Variants in SORCS2 observed in about 807,000 individuals in gnomAD.
SORCS2 encodes the protein VPS10 domain-containing receptor SorCS2.
In SORCS2, 100 loss-of-function variants were observed where a neutral mutation model predicts 141.6. The ratio of observed to expected loss-of-function variants is 0.71; its 90% confidence interval spans 0.60 to 0.83. The LOEUF (loss-of-function observed/expected upper bound fraction) is 0.83. Ranked by LOEUF, SORCS2 falls within the 40% of genes least tolerant of loss-of-function variation. The pLI, the probability that SORCS2 is intolerant of heterozygous loss-of-function variation, is 0.00. For synonymous variants in SORCS2, 789 were observed against 676.9 expected, an observed-to-expected ratio of 1.17 and a Z score of -2.57; for missense variants, 1,646 against 1,560.2, an observed-to-expected ratio of 1.05 and a Z score of -0.93.
chr4:7,521,067 G>A (rs1733298996), intron 2 of SORCS2, among the ~76,000 whole-genome samples: 1 of 152,240 alleles, frequency 6.6e-6, no homozygotes, highest in South Asian at 2.1e-4. Flanking sequence ...TGTTCCTTGG[G>A]ACTCAGTTTC....
Position 7,741,311 on chromosome 4 carries a change from G to T in SORCS2, c.*1047G>T. On this transcript the variant is annotated 3_prime_UTR_variant, in exon 27 of 27. Coordinates refer to ENST00000507866, the MANE Select transcript of SORCS2 (RefSeq NM_020777.3). ...AGGGGAAACTGAGGCCCAGGGAGGA[G>T]AGTAACTGAAGGTCACAGCACGGTC... 2.5e-6 allele frequency: 1 copy of T among 399,076 alleles called. No individual in the cohort carries two copies. Among genetic ancestry groups the T allele is most frequent in the Non-Finnish European group, 4.4e-6 (1 of 226,146 alleles). 24.7% of individuals were successfully genotyped at this position (399,076 alleles called of 1,614,324 possible). A position where few individuals can be genotyped will look rare whatever the true frequency, so the allele number is the denominator to read the frequency against.
intron 1 of SORCS2, among the ~76,000 whole-genome samples, chr4:7,290,821 G>C (rs536141689): frequency 1.1e-3 from 98 of 93,308 alleles, no homozygotes; most frequent in Middle Eastern, 0.013. Context: ...CATTCATTCA[G>C]TGAATGTAGG....
At chr4:7,453,782 G>T (rs1322001753) in intron 2 of SORCS2, among the ~76,000 whole-genome samples, 8 of 137,654 alleles carry the variant, frequency 5.8e-5, no homozygotes, top group Admixed American at 3.5e-4. Context: ...GGTGCTGTGT[G>T]TTGGGGTCAG....
intron 1 of SORCS2, among the ~76,000 whole-genome samples, chr4:7,196,000 G>C (rs1415208018): frequency 6.6e-6 from 1 of 152,206 alleles, no homozygotes; most frequent in Non-Finnish European, 1.5e-5. Flanking sequence ...TTTAAAACAT[G>C]GCTTTTGAGA....
At chr4:7,567,999 G>A (rs570243361) in intron 3 of SORCS2, among the ~76,000 whole-genome samples, 257 of 152,212 alleles carry the variant, frequency 1.7e-3, no homozygotes, top group African/African-American at 2.9e-3. Flanking sequence ...TTATGAGCAC[G>A]TCCTTGCTTT....
chr4:7,412,649 C>G (rs930255591), intron 2 of SORCS2, among the ~76,000 whole-genome samples: 2 of 152,074 alleles, frequency 1.3e-5, no homozygotes, highest in East Asian at 1.9e-4. Flanking sequence ...CTAGAGGATT[C>G]TCCCTCCAGA....
chr4:7,536,408 G>A (rs1170987259), intron 3 of SORCS2, among the ~76,000 whole-genome samples: 1 of 152,180 alleles, frequency 6.6e-6, no homozygotes, highest in African/African-American at 2.4e-5. Flanking sequence ...CCATAGTTAC[G>A]ATTCCACATA....
At chr4:7,277,278 C>T (rs1490276842) in intron 1 of SORCS2, among the ~76,000 whole-genome samples, 1 of 152,136 alleles carries the variant, frequency 6.6e-6, no homozygotes, top group Non-Finnish European at 1.5e-5. Flanking sequence ...TCGGAAGGAG[C>T]TTTAAGCCAA....
At chr4:7,322,978 T>C (rs1718994978) in intron 1 of SORCS2, among the ~76,000 whole-genome samples, 1 of 151,666 alleles carries the variant, frequency 6.6e-6, no homozygotes, top group Non-Finnish European at 1.5e-5. Context: ...GCCCGTTTTT[T>C]ATCTTTTTCT....
intron 2 of SORCS2, among the ~76,000 whole-genome samples, chr4:7,512,348 A>AGGAG (rs1415534840): frequency 2.6e-5 from 3 of 113,732 alleles, no homozygotes; most frequent in East Asian, 6.4e-4. Flanking sequence ...AAGGAATGGA[A>AGGAG]GGAGGGAGGG....
intron 2 of SORCS2, among the ~76,000 whole-genome samples, chr4:7,441,276 C>T (rs545189068): frequency 5.3e-5 from 8 of 152,240 alleles, no homozygotes; most frequent in South Asian, 2.1e-4. Flanking sequence ...TGGAAAGAGC[C>T]GCACCCCAGG....
chr4:7,221,061 C>T (rs1385344357), intron 1 of SORCS2, among the ~76,000 whole-genome samples: 1 of 152,190 alleles, frequency 6.6e-6, no homozygotes, highest in African/African-American at 2.4e-5. Context: ...AACGTGTCAG[C>T]TCAGTGACGG....
At chr4:7,357,447 C>T (rs750191788) in intron 1 of SORCS2, among the ~76,000 whole-genome samples, 1 of 152,160 alleles carries the variant, frequency 6.6e-6, no homozygotes, top group Non-Finnish European at 1.5e-5. Flanking sequence ...CCCATGTTGG[C>T]AGAGAAGCCT....
chr4:7,649,534 G>T (rs2108888720), intron 4 of SORCS2, among the ~76,000 whole-genome samples: 1 of 152,166 alleles, frequency 6.6e-6, no homozygotes, highest in Non-Finnish European at 1.5e-5. Context: ...GGTGGAGAGG[G>T]GTGCAGTGTG....
intron 5 of SORCS2, among the ~76,000 whole-genome samples, chr4:7,656,881 C>A (rs1426260269): frequency 6.6e-6 from 1 of 152,208 alleles, no homozygotes; most frequent in Non-Finnish European, 1.5e-5. Flanking sequence ...CTGCCCTCAG[C>A]ACAAATGGGG....
intron 1 of SORCS2, among the ~76,000 whole-genome samples, chr4:7,255,656 C>T (rs915640789): frequency 1.1e-4 from 17 of 152,164 alleles, no homozygotes; most frequent in Admixed American, 5.9e-4. Flanking sequence ...AGGCGGGGGC[C>T]GGCTCCTGGG....
intron 14 of SORCS2, among the ~76,000 whole-genome samples, chr4:7,704,874 C>T (rs1288771573): frequency 6.6e-6 from 1 of 152,146 alleles, no homozygotes; most frequent in Non-Finnish European, 1.5e-5. Flanking sequence ...GAACATGGGC[C>T]CCTGTGAGCC....
intron 11 of SORCS2, among the ~76,000 whole-genome samples, chr4:7,696,664 A>G (rs1465619689): frequency 6.6e-6 from 1 of 152,178 alleles, no homozygotes; most frequent in Admixed American, 6.5e-5. Context: ...CTGCACCCCC[A>G]GTTGGTTTGG....
chr4:7,412,283 G>T (rs762997852), intron 2 of SORCS2, among the ~76,000 whole-genome samples: 1 of 152,192 alleles, frequency 6.6e-6, no homozygotes, highest in African/African-American at 2.4e-5. Context: ...GCCACCCCCT[G>T]GAGTTAGTTC....
Sources: gnomAD v4.1 joint callset for allele counts (sites outside exome capture counted in the v4.1 genomes callset) on GRCh38, gnomAD v4.1.1 for gene constraint, MANE v1.5 for transcripts, NCBI Gene and HGNC (gene_info 2026-07-23, HGNC 2026-07-21) for gene names.